IL17RB: variants seen among roughly 807,000 people sequenced by gnomAD.
IL17RB encodes the protein interleukin-17 receptor B.
IL17RB carries 36 observed loss-of-function variants against 43.9 expected under a neutral mutation model. That is an observed-to-expected ratio of 0.82 (90% CI 0.63 to 1.08). The LOEUF (loss-of-function observed/expected upper bound fraction) is 1.08. Among genes scored for constraint, IL17RB ranks in the 50% least tolerant of loss-of-function variants. The pLI, the probability that IL17RB is intolerant of heterozygous loss-of-function variation, is 0.00. For synonymous variants in IL17RB, 225 were observed against 225.4 expected (o/e 1.00, Z 0.02); for missense variants, 613 against 613.6 (o/e 1.00, Z 0.01).
chr3:53,864,526 C>G (rs1246504272), intron 10 of IL17RB, among the ~76,000 whole-genome samples: 1 of 151,646 alleles, frequency 6.6e-6, no homozygotes, highest in Non-Finnish European at 1.5e-5. Flanking sequence ...CAGAGTGAGA[C>G]TATGTCTCCA....
At chr3:53,860,935 T>C (rs1204922087) in intron 10 of IL17RB, 1 of 152,196 alleles carries the variant, frequency 6.6e-6, no homozygotes, top group Non-Finnish European at 1.5e-5. Context: ...CCATTCACAG[T>C]TGAGAGAAAC....
intron 7 of IL17RB, 110 bp downstream of exon 7, chr3:53,857,096 A>G (rs2276841): frequency 0.14 from 159,848 of 1,126,036 alleles, 14,849 homozygotes; most frequent in Admixed American, 0.33. Flanking sequence ...GATGAATTCA[A>G]CAGATAAAAA....
chr3:53,857,117 T>C, intron 7 of IL17RB, 131 bp downstream of exon 7: 2 of 926,824 alleles, frequency 2.2e-6, no homozygotes, highest in Non-Finnish European at 3.4e-6. Context: ...CAAGTCCCTG[T>C]GGGCATCCTG....
chr3:53,860,546 T>C (rs921251340), intron 10 of IL17RB: 7 of 201,180 alleles, frequency 3.5e-5, no homozygotes, highest in Non-Finnish European at 5.0e-5. Context: ...GGTTACTCTA[T>C]GCTAGTTCCT....
At position 53,849,695 on chromosome 3, in the gene IL17RB, C is replaced by G. The variant is rs1025689; in HGVS notation, c.126C>G (p.Pro42=). The G allele has an allele frequency of 0.6, 962,438 of 1,611,478 alleles. 297,217 individuals carry two copies. The highest frequency in any genetic ancestry group is 0.63 in the Non-Finnish European group (748,011 of 1,178,772). ...GGATGCTACAACATGATCTAATCCC[C>G]GGAGACTTGAGGGACCTCCGAGTAG... is the stretch of plus-strand genomic sequence containing the variant. The part of the protein sequence containing the change: ...PEWMLQHDLI[P]GDLRDLRVEP... The change falls in exon 3 of 11, where the codon CCC becomes CCG. Residue 42 remains proline, a synonymous_variant. Coordinates refer to ENST00000288167, the MANE Select transcript of IL17RB (RefSeq NM_018725.4).
chr3:53,864,817 T>C lies in IL17RB; in HGVS notation c.1018T>C (p.Ser340Pro), dbSNP rs373772569. 1 of 1,614,148 alleles carries C rather than the reference T, an allele frequency of 6.2e-7. No homozygotes were observed. Among genetic ancestry groups the C allele is most frequent in the Non-Finnish European group, 8.5e-7 (1 of 1,179,984 alleles). The change falls in exon 11 of 11, where the codon TCT (serine) becomes CCT (proline). Residue 340 changes from serine to proline, a missense_variant. Coordinates refer to ENST00000288167, the MANE Select transcript of IL17RB (RefSeq NM_018725.4). ...PPIKVLVVYP[S>P]EICFHHTICY... is the part of the protein sequence containing the mutation. ...CATTAAGGTTCTTGTGGTTTACCCA[T>C]CTGAAATATGTTTCCATCACACAAT...
chr3:53,851,640 T>G lies in IL17RB; in HGVS notation c.227-359T>G, dbSNP rs115784817. Among the ~76,000 whole-genome samples the G allele has an allele frequency of 5.8e-3, 883 of 152,258 alleles. 4 individuals are homozygous for G. Among genetic ancestry groups the G allele is most frequent in the Non-Finnish European group, 8.1e-3 (552 of 68,012 alleles). On this transcript the variant is annotated intron_variant, in intron 3 of 10. Coordinates refer to ENST00000288167, the MANE Select transcript of IL17RB (RefSeq NM_018725.4). ...CAGTCTTGGAGGGTCTTTGTGGGTC[T>G]CCCTGAGGCCAGCCTCTTCCTCTTA...
Position 53,856,888 on chromosome 3 carries a change from G to T in IL17RB, c.574G>T (p.Glu192Ter). The T allele has an allele frequency of 6.2e-7, 1 of 1,614,062 alleles. No individual in the cohort carries two copies. Among genetic ancestry groups the T allele is most frequent in the Non-Finnish European group, 8.5e-7 (1 of 1,179,958 alleles). ...PNITACKKNE[E>*]TVEVNFTTTP... is the part of the protein sequence containing the mutation. ...CATCACTGCTTGTAAGAAGAATGAG[G>T]AGACAGTAGAAGTGAACTTCACAAC... Residue 192 changes from glutamate (E) to a stop codon, truncating the protein, a stop_gained, in exon 7 of 11, where the codon GAG (glutamate) becomes TAG (stop). Coordinates refer to ENST00000288167, the MANE Select transcript of IL17RB (RefSeq NM_018725.4). LOFTEE classifies it high-confidence loss of function.
chr3:53,849,524 T>C (rs1333591564), intron 2 of IL17RB, 131 bp from the exon 3 acceptor site: 3 of 701,124 alleles, frequency 4.3e-6, no homozygotes, highest in African/African-American at 4.4e-5. Flanking sequence ...AAAAACATTT[T>C]TTTAATTAAA....
chr3:53,852,252 C>A, intron 4 of IL17RB, 126 bp downstream of exon 4: 1 of 847,086 alleles, frequency 1.2e-6, no homozygotes, highest in Non-Finnish European at 1.8e-6. Flanking sequence ...AGCGATCGTT[C>A]TACTTCAGCC....
intron 10 of IL17RB, among the ~76,000 whole-genome samples, chr3:53,862,688 G>A (rs904664526): frequency 5.9e-5 from 9 of 152,310 alleles, no homozygotes; most frequent in Admixed American, 3.9e-4. Context: ...CACAGAAGCA[G>A]CAGCATCAGA....
chr3:53,849,275 G>A (rs1049450191), intron 2 of IL17RB, among the ~76,000 whole-genome samples: 1 of 152,192 alleles, frequency 6.6e-6, no homozygotes, highest in African/African-American at 2.4e-5. Context: ...GTGGTCCCAC[G>A]TGCTCTGTAG....
At chr3:53,851,372 G>A (rs1329076459) in intron 3 of IL17RB, among the ~76,000 whole-genome samples, 7 of 152,184 alleles carry the variant, frequency 4.6e-5, no homozygotes, top group African/African-American at 7.2e-5. Flanking sequence ...GGGATAGGGC[G>A]AGAGGAGCTG....
intron 1 of IL17RB, among the ~76,000 whole-genome samples, chr3:53,848,214 A>G (rs1201832523): frequency 6.6e-6 from 1 of 152,240 alleles, no homozygotes; most frequent in Non-Finnish European, 1.5e-5. Context: ...AGTACCATGG[A>G]CTGCATTCAG....
In IL17RB at chr3:53,861,003, C is replaced by T. The variant is rs28741398; in HGVS notation, c.946+775C>T. ...TGCATACAATTAATTGCAGTGCGTA[C>T]TGTCCTGCTGTGAATAATTTCCTAG... On this transcript the variant is annotated intron_variant, in intron 10 of 10. Transcript: ENST00000288167. The T allele has an allele frequency of 2.7e-4, 41 of 152,338 alleles. 1 individual carries two copies. The highest frequency in any genetic ancestry group is 9.6e-4 in the African/African-American group (40 of 41,576). The allele number at this position is 152,338 out of a possible 1,614,324, so 9.4% of individuals were successfully genotyped here.
At chr3:53,852,213 C>A in intron 4 of IL17RB, 87 bp downstream of exon 4, 1 of 1,177,912 alleles carries the variant, frequency 8.5e-7, no homozygotes, top group Non-Finnish European at 1.2e-6. Flanking sequence ...GCGATCATGG[C>A]TCACTGCGAC....
At position 53,864,750 on chromosome 3, in the gene IL17RB, G is replaced by T. The variant is rs774743660; in HGVS notation, c.951G>T (p.Arg317Ser). The change falls in exon 11 of 11, where the codon AGG becomes AGT. Residue 317 changes from arginine (R) to serine (S), a missense_variant. By Grantham distance (110) the Arg-to-Ser change is moderately radical (BLOSUM62 -1). Transcript: ENST00000288167. ...AGIYLMWRHE[R>S]IKKTSFSTTT... is the part of the protein sequence containing the mutation. ...AATGCTTTTCTCCTCTCACAGAAAGGATCAAGAAGACTTCCTTTTCTACCA... is the reference window on the plus strand; with the variant it reads ...AATGCTTTTCTCCTCTCACAGAAAGTATCAAGAAGACTTCCTTTTCTACCA... 6.2e-7 allele frequency: 1 copy of T among 1,604,044 alleles called. No homozygotes were observed. The highest frequency in any genetic ancestry group is 8.5e-7 in the Non-Finnish European group (1 of 1,175,650).
intron 3 of IL17RB, among the ~76,000 whole-genome samples, chr3:53,850,280 T>A (rs370150898): frequency 2.0e-5 from 3 of 152,008 alleles, no homozygotes; most frequent in Non-Finnish European, 4.4e-5. Flanking sequence ...GTGGATCACT[T>A]GAGGCCAGGA....
intron 1 of IL17RB, among the ~76,000 whole-genome samples, 183 bp from the exon 2 acceptor site, chr3:53,848,481 T>C (rs1453596138): frequency 6.6e-6 from 1 of 152,236 alleles, no homozygotes; most frequent in African/African-American, 2.4e-5. Flanking sequence ...TGGTCCGTCA[T>C]AGCCTACAGT....
Sources: gnomAD v4.1 joint callset for allele counts (sites outside exome capture counted in the v4.1 genomes callset) on GRCh38, gnomAD v4.1.1 for gene constraint, MANE v1.5 for transcripts, NCBI Gene and HGNC (gene_info 2026-07-23, HGNC 2026-07-21) for gene names.